ABCD3: variants seen among roughly 807,000 people sequenced by gnomAD.
The protein encoded by ABCD3 is ATP binding cassette subfamily D member 3.
A neutral mutation model predicts 105.5 loss-of-function variants in ABCD3; 41 were observed. The observed-to-expected ratio is 0.39, with a 90% CI of 0.30 to 0.50. The LOEUF (loss-of-function observed/expected upper bound fraction) is 0.50, where lower values mean the gene tolerates loss of function less well. Among genes scored for constraint, ABCD3 ranks in the 20% least tolerant of loss-of-function variants. The probability of loss-of-function intolerance (pLI) is 0.84; values close to 1 mark genes in which losing one functional copy is unlikely to be tolerated. For missense variants in ABCD3, 622 were observed against 806.3 expected (o/e 0.77, Z 2.77); for synonymous variants, 258 against 269.0 (o/e 0.96, Z 0.40).
rs769047186 is a variant in ABCD3, at chr1:94,418,588, G to A, written c.110G>A (p.Gly37Asp). 5 of 1,594,312 alleles carry A rather than the reference G, an allele frequency of 3.1e-6. No homozygotes were observed. In the South Asian group the frequency reaches 5.6e-5, roughly 18 times the overall value. Reference protein sequence around the residue: ...HKRRRALGLHGKKSGKPPLQN... With the variant: ...HKRRRALGLHDKKSGKPPLQN... The stretch of plus-strand genomic sequence containing the variant: ...CGGCGCCGCGCCCTCGGCCTGCACG[G>A]GTAAGAAGGCCCGTAGCCGTGCAGC... The change falls in exon 1 of 23, where the codon GGT (glycine) becomes GAT (aspartate). Residue 37 changes from glycine (G) to aspartate (D), a missense_variant and splice_region_variant. Physicochemically the swap from Gly to Asp is moderately conservative, Grantham distance 94 (BLOSUM62 -1). This residue lies in a region of ABCD3 where 89 missense variants were observed against 77.5 expected (regional missense o/e 1.15). Coordinates refer to ENST00000370214, the MANE Select transcript of ABCD3 (RefSeq NM_002858.4).
chr1:94,401,633 A>G, the ABCD3 span, among the ~76,000 whole-genome samples: 5 of 152,170 alleles, frequency 3.3e-5, no homozygotes, highest in Admixed American at 6.5e-5. Context: ...ATATTTTTAG[A>G]TATTTCAGGT....
chr1:94,450,719 C>CTG (rs1227409028), intron 1 of ABCD3, among the ~76,000 whole-genome samples: 5 of 152,096 alleles, frequency 3.3e-5, no homozygotes, highest in South Asian at 4.1e-4. Flanking sequence ...CTCTATATTT[C>CTG]TGTGTGTGTG....
chr1:94,495,118 C>G (rs1307889153), intron 16 of ABCD3, among the ~76,000 whole-genome samples: 1 of 152,070 alleles, frequency 6.6e-6, no homozygotes, highest in East Asian at 1.9e-4. Flanking sequence ...AGATTTTTAC[C>G]TTTTCAGTAA....
intron 1 of ABCD3, among the ~76,000 whole-genome samples, chr1:94,436,410 T>A (rs1659903720): frequency 6.6e-6 from 1 of 152,198 alleles, no homozygotes; most frequent in Non-Finnish European, 1.5e-5. Flanking sequence ...TACAAATATC[T>A]CTACTATTAA....
At chr1:94,397,547 T>C in the ABCD3 span, among the ~76,000 whole-genome samples, 1 of 152,212 alleles carries the variant, frequency 6.6e-6, no homozygotes, top group Non-Finnish European at 1.5e-5. Flanking sequence ...GAGAATGCCA[T>C]GGAGATGAAG....
Position 94,498,789 on chromosome 1 carries a change from C to T in ABCD3, c.1471C>T (p.Pro491Ser). The part of the protein sequence containing the change: ...SLFRVLGELW[P>S]LFGGRLTKPE... ...CCTTCTCTCTCTTTAATAGTTATGG[C>T]CTCTTTTTGGAGGACGTCTAACTAA... Residue 491 changes from proline (P) to serine (S), a missense_variant, in exon 18 of 23, where the codon CCT becomes TCT. This residue lies in a region of ABCD3 where 285 missense variants were observed against 352.5 expected (regional missense o/e 0.81). Coordinates refer to ENST00000370214, the MANE Select transcript of ABCD3 (RefSeq NM_002858.4). The T allele has an allele frequency of 6.2e-7, 1 of 1,613,478 alleles. No homozygotes were observed. The highest frequency in any genetic ancestry group is 8.5e-7 in the Non-Finnish European group (1 of 1,179,728).
chr1:94,418,279 G>C (rs1007816505), upstream of ABCD3, among the ~76,000 whole-genome samples: 2 of 152,164 alleles, frequency 1.3e-5, no homozygotes, highest in African/African-American at 4.8e-5. Flanking sequence ...GGAGGCTGCC[G>C]AGCGCGCTCC....
intron 22 of ABCD3, among the ~76,000 whole-genome samples, chr1:94,515,857 T>A (rs1253052502): frequency 6.7e-6 from 1 of 148,468 alleles, no homozygotes; most frequent in Non-Finnish European, 1.5e-5. Flanking sequence ...CCTTCCTTTC[T>A]TTTCTTCTTT....
chr1:94,421,312 C>T (rs983554617), intron 1 of ABCD3, among the ~76,000 whole-genome samples: 1 of 152,102 alleles, frequency 6.6e-6, no homozygotes, highest in African/African-American at 2.4e-5. Flanking sequence ...CACTATGTAA[C>T]ACATCCCTAT....
At chr1:94,450,612 G>A (rs1032135874) in intron 1 of ABCD3, among the ~76,000 whole-genome samples, 1 of 152,330 alleles carries the variant, frequency 6.6e-6, no homozygotes, top group African/African-American at 2.4e-5. Flanking sequence ...TAGAAACAAT[G>A]CTTATCACTG....
At chr1:94,447,120 A>T (rs1660379452) in intron 1 of ABCD3, among the ~76,000 whole-genome samples, 1 of 152,216 alleles carries the variant, frequency 6.6e-6, no homozygotes, top group African/African-American at 2.4e-5. Context: ...TAGAACCTAT[A>T]CCTTTAAAAT....
intron 2 of ABCD3, among the ~76,000 whole-genome samples, chr1:94,464,507 G>T (rs1006027431): frequency 6.6e-6 from 1 of 151,836 alleles, no homozygotes; most frequent in Non-Finnish European, 1.5e-5. Flanking sequence ...TTGGTATTTT[G>T]CAGTTGCTAT....
rs750663062 is a variant in ABCD3 at position 94,480,411 on chromosome 1, A to G, written c.685-53A>G. 5.3e-4 allele frequency: 854 copies of G among 1,603,930 alleles called. 1 individual carries two copies. Among genetic ancestry groups the G allele is most frequent in the Non-Finnish European group, 6.7e-4 (784 of 1,171,178 alleles). On this transcript the variant is annotated intron_variant, in intron 8 of 22. Transcript: ENST00000370214. ...ATTGTACATGTTTGTATCTAAGTGAATTTATTATTATATCCCAGAACTTTG... is the reference window on the plus strand; with the variant it reads ...ATTGTACATGTTTGTATCTAAGTGAGTTTATTATTATATCCCAGAACTTTG...
At chr1:94,479,759 G>T (rs1254154263) in intron 8 of ABCD3, among the ~76,000 whole-genome samples, 1 of 152,022 alleles carries the variant, frequency 6.6e-6, no homozygotes, top group Non-Finnish European at 1.5e-5. Flanking sequence ...TTTTAGTATG[G>T]CAGAGTATAG....
the ABCD3 span, among the ~76,000 whole-genome samples, chr1:94,410,477 C>A: frequency 6.6e-5 from 10 of 152,126 alleles, no homozygotes; most frequent in Non-Finnish European, 1.5e-4. Context: ...GAGAGAAAGG[C>A]CTGTGCTTCT....
chr1:94,457,102 T>G (rs906465804), intron 1 of ABCD3, among the ~76,000 whole-genome samples: 4 of 152,200 alleles, frequency 2.6e-5, no homozygotes, highest in Non-Finnish European at 5.9e-5. Context: ...ATTGTTGTCT[T>G]GCTATTGAGT....
upstream of ABCD3, among the ~76,000 whole-genome samples, chr1:94,416,743 C>G (rs917648728): frequency 1.3e-5 from 2 of 152,186 alleles, no homozygotes; most frequent in African/African-American, 2.4e-5. Context: ...TTCCCTCCCC[C>G]TTTTTCTGTA....
chr1:94,498,826 G>A lies in ABCD3; in HGVS notation c.1508G>A (p.Gly503Glu). The change falls in exon 18 of 23, where the codon GGA becomes GAA. Residue 503 changes from glycine (G) to glutamate (E), a missense_variant. Physicochemically the swap from Gly to Glu is moderately conservative, Grantham distance 98. Coordinates refer to ENST00000370214, the MANE Select transcript of ABCD3 (RefSeq NM_002858.4). ...GGACGTCTAACTAAACCTGAAAGAG[G>A]AAAATTATTTTATGTTCCTCAGGTA... ...FGGRLTKPER[G>E]KLFYVPQRPY... The A allele has an allele frequency of 6.2e-7, 1 of 1,613,724 alleles. No homozygotes were observed. Among genetic ancestry groups the A allele is most frequent in the Non-Finnish European group, 8.5e-7 (1 of 1,179,846 alleles).
chr1:94,440,183 CT>C (rs1450803333), intron 1 of ABCD3, among the ~76,000 whole-genome samples: 1 of 152,182 alleles, frequency 6.6e-6, no homozygotes, highest in African/African-American at 2.4e-5. Context: ...AAAGATTTAA[CT>C]TTGATACTAT....
Sources: gnomAD v4.1 joint callset for allele counts (sites outside exome capture counted in the v4.1 genomes callset) on GRCh38, gnomAD v4.1.1 for gene constraint, gnomAD v4.1.1 regional missense constraint, MANE v1.5 for transcripts, NCBI Gene and HGNC (gene_info 2026-07-23, HGNC 2026-07-21) for gene names.